The following MDN1 variants were observed in gnomAD, a reference collection of about 807,000 sequenced individuals.
The protein encoded by MDN1 is midasin.
Under a neutral mutation model 669.2 loss-of-function variants are expected in MDN1, and 266 were observed. The ratio of observed to expected loss-of-function variants is 0.40; its 90% CI spans 0.36 to 0.44. MDN1 has a LOEUF of 0.44. Ranked by LOEUF, MDN1 falls within the 20% of genes least tolerant of loss-of-function variation. The pLI is 1.00. For synonymous variants in MDN1, 2,385 were observed against 2,457.1 expected (o/e 0.97, Z 0.87); for missense variants, 5,940 against 6,754.0 (o/e 0.88, Z 4.22).
intron 3 of MDN1, 48 bp downstream of exon 3, chr6:89,794,529 T>G: frequency 6.5e-7 from 1 of 1,542,256 alleles, no homozygotes; most frequent in Non-Finnish European, 9.0e-7. Flanking sequence ...ACACATGCCC[T>G]GTACCATCCC....
intron 1 of MDN1, 105 bp from the exon 2 acceptor site, chr6:89,803,659 G>A: frequency 2.4e-6 from 2 of 821,778 alleles, no homozygotes; most frequent in Admixed American, 2.5e-5. Flanking sequence ...TCAGCTCACT[G>A]CAAGCTCCAC....
intron 59 of MDN1, among the ~76,000 whole-genome samples, chr6:89,697,980 C>T (rs1022629362): frequency 2.0e-5 from 3 of 152,088 alleles, no homozygotes; most frequent in Non-Finnish European, 4.4e-5. Flanking sequence ...AATCTTCACA[C>T]TTATCAAAGA....
chr6:89,778,339 A>G (rs1312841281), intron 11 of MDN1, among the ~76,000 whole-genome samples: 1 of 152,120 alleles, frequency 6.6e-6, no homozygotes, highest in East Asian at 1.9e-4. Flanking sequence ...TTTTAAAATT[A>G]AAATATATTT....
At chr6:89,710,351 C>T (rs1813807377) in intron 50 of MDN1, among the ~76,000 whole-genome samples, 1 of 151,990 alleles carries the variant, frequency 6.6e-6, no homozygotes, top group African/African-American at 2.4e-5. Context: ...TATCATCAGC[C>T]TCCTTCAGAA....
intron 92 of MDN1, among the ~76,000 whole-genome samples, chr6:89,654,918 T>A (rs1389597860): frequency 1.3e-5 from 2 of 152,172 alleles, no homozygotes; most frequent in Admixed American, 1.3e-4. Flanking sequence ...GAAAGACGAA[T>A]AGGAATCCCA....
intron 60 of MDN1, 142 bp from the exon 61 acceptor site, chr6:89,696,134 C>T: frequency 1.6e-6 from 2 of 1,271,088 alleles, no homozygotes; most frequent in Non-Finnish European, 2.2e-6. Context: ...CTCACATGGT[C>T]TTATTTGGTT....
At chr6:89,815,031 G>C in intron 1 of MDN1, 2 of 551,490 alleles carry the variant, frequency 3.6e-6, no homozygotes, top group Non-Finnish European at 6.4e-6. Context: ...TGAAGGCCAG[G>C]AGGAGGAAGA....
intron 96 of MDN1, among the ~76,000 whole-genome samples, 197 bp from the exon 97 acceptor site, chr6:89,650,395 A>G (rs1808769314): frequency 6.6e-6 from 1 of 152,222 alleles, no homozygotes; most frequent in Admixed American, 6.5e-5. Flanking sequence ...GTATGTGGCA[A>G]TAATAATTAG....
intron 55 of MDN1, among the ~76,000 whole-genome samples, chr6:89,701,339 A>G (rs1813148214): frequency 6.6e-6 from 1 of 152,232 alleles, no homozygotes; most frequent in South Asian, 2.1e-4. Flanking sequence ...GGTTATATAC[A>G]CACACAACGC....
Position 89,643,896 on chromosome 6 carries a change from TA to T in MDN1, c.*108del. On this transcript the variant is annotated 3_prime_UTR_variant, in exon 102 of 102. Coordinates refer to ENST00000369393, the MANE Select transcript of MDN1 (RefSeq NM_014611.3). ...TAGGCTGTAAGATCACGTTGTAAAA[TA>T]AAAATATTACAATAAAATTTTTTGT... The T allele has an allele frequency of 1.0e-6, 1 of 983,894 alleles. No individual in the cohort carries two copies. The highest frequency in any genetic ancestry group is 1.4e-6 in the Non-Finnish European group (1 of 697,364). 60.9% of individuals were successfully genotyped at this position (983,894 alleles called of 1,614,324 possible).
Position 89,803,890 on chromosome 6 carries a change from C to CTTTCTTTTTTTTTTTTTTTT in MDN1, c.103-337_103-336insAAAAAAAAAAAAAAAAGAAA, listed in dbSNP as rs377468650. ...GCCACCGCGCCCGGCCTTTTCTTTT[C>CTTTCTTTTTTTTTTTTTTTT]TTTTCTTTTTTTTTTTTTTTTTTTT... On this transcript the variant is annotated intron_variant, in intron 1 of 101. Transcript: ENST00000369393. 2.5e-4 allele frequency among the ~76,000 whole-genome samples: 23 copies of CTTTCTTTTTTTTTTTTTTTT among 93,212 alleles called. 2 individuals are homozygous for CTTTCTTTTTTTTTTTTTTTT. The highest frequency in any genetic ancestry group is 3.9e-4 in the Non-Finnish European group (19 of 48,902). The allele number at this position is 93,212 out of a possible 152,430, so 61.2% of individuals were successfully genotyped here. A position where few individuals can be genotyped will look rare whatever the true frequency, so the allele number is the denominator to read the frequency against.
intron 53 of MDN1, among the ~76,000 whole-genome samples, chr6:89,703,372 G>T (rs573334776): frequency 6.1e-5 from 9 of 148,148 alleles, no homozygotes; most frequent in South Asian, 2.3e-4. Context: ...ATGGGGAAGG[G>T]GGGGGGGTCT....
intron 23 of MDN1, among the ~76,000 whole-genome samples, chr6:89,750,747 C>T (rs571389540): frequency 6.6e-6 from 1 of 152,092 alleles, no homozygotes; most frequent in Non-Finnish European, 1.5e-5. Context: ...GGACTACAGA[C>T]ATGCACCACC....
intron 84 of MDN1, among the ~76,000 whole-genome samples, chr6:89,666,211 A>G (rs1810209763): frequency 6.6e-6 from 1 of 152,214 alleles, no homozygotes; most frequent in Non-Finnish European, 1.5e-5. Flanking sequence ...CTGCCTCCCA[A>G]CATCTTTTTA....
chr6:89,655,944 C>T lies in MDN1; in HGVS notation c.15310G>A (p.Ala5104Thr), dbSNP rs775363627. The T allele has an allele frequency of 6.2e-7, 1 of 1,613,898 alleles. No homozygotes were observed. Residue 5104 changes from alanine (A) to threonine (T), a missense_variant, in exon 92 of 102, where the codon GCT (alanine) becomes ACT (threonine). This residue lies in a region of MDN1 where 2,280 missense variants were observed against 2,576.3 expected (regional missense o/e 0.88). Transcript: ENST00000369393. ...TQSFKRKPGQ[A>T]DNERSMGDHN... ...TCACCCATGGAACGTTCATTGTCAG[C>T]CTGCCCAGGTTTCCTCTTAAAACTC...
chr6:89,758,401 C>T, intron 18 of MDN1, 50 bp from the exon 19 acceptor site: 1 of 1,458,050 alleles, frequency 6.9e-7, no homozygotes, highest in Non-Finnish European at 9.4e-7. Context: ...TTATCTAATT[C>T]CACAGAACCC....
intron 2 of MDN1, among the ~76,000 whole-genome samples, chr6:89,795,147 C>CG (rs1178009223): frequency 2.0e-5 from 3 of 152,074 alleles, no homozygotes; most frequent in Non-Finnish European, 4.4e-5. Context: ...CCTACAAAAT[C>CG]GGGGGGTACT....
chr6:89,716,711 T>G lies in MDN1; in HGVS notation c.6682A>C (p.Met2228Leu). ...SHGTFEWVDS[M>L]LVQALKSGDW... ...CCAGACTTCAGGGCCTGAACCAACATGCTGTCAACCCATTCAAATGTGCCA... is the reference window on the plus strand; with the variant it reads ...CCAGACTTCAGGGCCTGAACCAACAGGCTGTCAACCCATTCAAATGTGCCA... The change falls in exon 44 of 102, where the codon ATG becomes CTG. Residue 2228 changes from methionine to leucine, a missense_variant. Met to Leu is a conservative substitution (Grantham distance 15). Coordinates refer to ENST00000369393, the MANE Select transcript of MDN1 (RefSeq NM_014611.3). The G allele has an allele frequency of 6.2e-7, 1 of 1,614,100 alleles. No individual in the cohort carries two copies. Among genetic ancestry groups the G allele is most frequent in the East Asian group, 2.2e-5 (1 of 44,870 alleles).
Position 89,749,538 on chromosome 6 carries a change from C to T in MDN1, c.3615+5G>A. 7 of 1,613,904 alleles carry T rather than the reference C, an allele frequency of 4.3e-6. No homozygotes were observed. Among genetic ancestry groups the T allele is most frequent in the Non-Finnish European group, 5.9e-6 (7 of 1,179,760 alleles). On this transcript the variant is annotated splice_donor_5th_base_variant and intron_variant, in intron 25 of 101. Transcript: ENST00000369393. ...AATTGAAGGAAGGAGACAAATGCTACATACCTTTCTGCCTCCATAAAGTCC... is the reference window on the plus strand; with the variant it reads ...AATTGAAGGAAGGAGACAAATGCTATATACCTTTCTGCCTCCATAAAGTCC...
Sources: allele counts gnomAD v4.1 joint callset (sites outside exome capture counted in the v4.1 genomes callset), GRCh38; gene constraint gnomAD v4.1.1; regional missense constraint gnomAD v4.1.1; transcripts MANE v1.5; gene names NCBI Gene and HGNC (gene_info 2026-07-23, HGNC 2026-07-21).